Variants in KCNMB4 observed in about 807,000 individuals in gnomAD.
KCNMB4 encodes potassium calcium-activated channel subfamily M regulatory beta subunit 4, also known as calcium-activated potassium channel subunit beta-4.
Under a neutral mutation model 20.7 loss-of-function variants are expected in KCNMB4, and 3 were observed. That is an observed-to-expected ratio of 0.14 (90% CI 0.07 to 0.37). The LOEUF is 0.37. KCNMB4 is among the 10% of genes least tolerant of loss of function. The pLI is 1.00. For synonymous variants in KCNMB4, 110 were observed against 113.4 expected (o/e 0.97, Z 0.19); for missense variants, 168 against 265.9 (o/e 0.63, Z 2.56).
Position 70,426,093 on chromosome 12 carries a change from G to A in KCNMB4, c.465-4392G>A, listed in dbSNP as rs1869205347. 2.0e-5 allele frequency among the ~76,000 whole-genome samples: 3 copies of A among 152,050 alleles called. No individual in the cohort carries two copies. In the South Asian group the frequency reaches 6.2e-4, roughly 32 times the overall value. On this transcript the variant is annotated intron_variant, in intron 2 of 2. Transcript: ENST00000258111. The stretch of plus-strand genomic sequence containing the variant: ...GTGGATCACAAGGTCAGGAGTTCAA[G>A]ACCAGCCTGGCCAAATATGGTGAAA...
At chr12:70,421,955 TC>T (rs1364194677) in intron 2 of KCNMB4, among the ~76,000 whole-genome samples, 2 of 150,966 alleles carry the variant, frequency 1.3e-5, no homozygotes, top group African/African-American at 4.9e-5. Flanking sequence ...AAGGTTCTCA[TC>T]CATCTGGATT....
At chr12:70,386,175 T>C (rs1868254794) in intron 1 of KCNMB4, among the ~76,000 whole-genome samples, 3 of 152,178 alleles carry the variant, frequency 2.0e-5, no homozygotes, top group Admixed American at 1.3e-4. Flanking sequence ...CTCTATTTTC[T>C]AAAAACCTTT....
chr12:70,367,546 A>G (rs1883517565), intron 1 of KCNMB4, among the ~76,000 whole-genome samples: 2 of 152,112 alleles, frequency 1.3e-5, no homozygotes, highest in Non-Finnish European at 2.9e-5. Context: ...AAGTTGTGAG[A>G]GAGTTCCTCA....
In KCNMB4 at chr12:70,366,827, G is replaced by A. The variant is rs1883502969; in HGVS notation, c.93G>A (p.Ser31=). 9 of 1,612,880 alleles carry A rather than the reference G, an allele frequency of 5.6e-6. No individual in the cohort carries two copies. The highest frequency in any genetic ancestry group is 6.8e-6 in the Non-Finnish European group (8 of 1,179,922). Residue 31 remains serine (S), a synonymous_variant, in exon 1 of 3, where the codon TCG becomes TCA. Transcript: ENST00000258111. ...GLFLIISGVV[S]LFIFGFCWLS... The stretch of plus-strand genomic sequence containing the variant: ...TTCTCATCATCTCCGGCGTCGTGTC[G>A]CTCTTCATCTTCGGCTTCTGCTGGC...
intron 1 of KCNMB4, among the ~76,000 whole-genome samples, chr12:70,374,379 C>T (rs1462313683): frequency 6.6e-6 from 1 of 151,988 alleles, no homozygotes; most frequent in East Asian, 1.9e-4. Context: ...AGTTTAGTTC[C>T]TAGATCAGCA....
intron 1 of KCNMB4, among the ~76,000 whole-genome samples, chr12:70,377,287 T>G (rs901612821): frequency 6.6e-6 from 1 of 152,192 alleles, no homozygotes; most frequent in African/African-American, 2.4e-5. Flanking sequence ...TATTGCAGAT[T>G]TGGTTCCAGA....
At chr12:70,367,615 T>C (rs552861811) in intron 1 of KCNMB4, among the ~76,000 whole-genome samples, 202 of 152,194 alleles carry the variant, frequency 1.3e-3, no homozygotes, top group African/African-American at 4.7e-3. Flanking sequence ...TTTTGTGGCT[T>C]GACAAACGAC....
chr12:70,370,205 A>G (rs1883565614), intron 1 of KCNMB4, among the ~76,000 whole-genome samples: 1 of 152,348 alleles, frequency 6.6e-6, no homozygotes, highest in South Asian at 2.1e-4. Flanking sequence ...TCTGCTGTGC[A>G]AGAAAAACAA....
intron 1 of KCNMB4, among the ~76,000 whole-genome samples, chr12:70,379,219 C>T (rs1266035520): frequency 2.6e-5 from 4 of 152,164 alleles, no homozygotes; most frequent in Admixed American, 6.5e-5. Flanking sequence ...GCTACACTAG[C>T]CTCTAACAAG....
chr12:70,390,629 T>G (rs978651589), intron 1 of KCNMB4, among the ~76,000 whole-genome samples: 2 of 152,186 alleles, frequency 1.3e-5, no homozygotes, highest in African/African-American at 2.4e-5. Context: ...CTTGAGCAGG[T>G]TTTCCTGCTC....
chr12:70,429,233 T>A (rs538151229), intron 2 of KCNMB4, among the ~76,000 whole-genome samples: 3 of 152,342 alleles, frequency 2.0e-5, no homozygotes, highest in Non-Finnish European at 4.4e-5. Context: ...GGCTTTGATG[T>A]TCTTAAGGGC....
intron 1 of KCNMB4, among the ~76,000 whole-genome samples, chr12:70,378,247 C>A (rs71454274): frequency 6.6e-6 from 1 of 151,872 alleles, no homozygotes; most frequent in Non-Finnish European, 1.5e-5. Context: ...TGAGCCACCG[C>A]GCCCGGCCTT....
intron 2 of KCNMB4, among the ~76,000 whole-genome samples, chr12:70,411,777 A>T (rs1470101546): frequency 6.6e-6 from 1 of 152,118 alleles, no homozygotes; most frequent in African/African-American, 2.4e-5. Flanking sequence ...GACCCTGTCT[A>T]AAAAAAGAAA....
chr12:70,394,198 A>G (rs1002266335), intron 1 of KCNMB4, among the ~76,000 whole-genome samples: 7 of 152,306 alleles, frequency 4.6e-5, no homozygotes, highest in South Asian at 4.1e-4. Flanking sequence ...TAAATTATCA[A>G]TTCTAAAAAT....
intron 1 of KCNMB4, among the ~76,000 whole-genome samples, chr12:70,391,851 A>C (rs118125336): frequency 1.3e-5 from 2 of 152,174 alleles, no homozygotes; most frequent in African/African-American, 4.8e-5. Context: ...TGGCTCATTT[A>C]TGTGCTAAGG....
intron 2 of KCNMB4, among the ~76,000 whole-genome samples, chr12:70,422,161 CAAAT>C (rs778809454): frequency 2.6e-5 from 4 of 152,182 alleles, no homozygotes; most frequent in Non-Finnish European, 5.9e-5. Flanking sequence ...TAATCTGTCT[CAAAT>C]GAAGAATGTA....
At chr12:70,367,183 A>C in intron 1 of KCNMB4, 113 bp downstream of exon 1, 1 of 772,506 alleles carries the variant, frequency 1.3e-6, no homozygotes, top group Non-Finnish European at 1.9e-6. Flanking sequence ...CTAGGAGGAG[A>C]CCAGGTGGCG....
chr12:70,366,904 T>C lies in KCNMB4; in HGVS notation c.170T>C (p.Leu57Pro). The C allele has an allele frequency of 6.2e-7, 1 of 1,613,504 alleles. No homozygotes were observed. The highest frequency in any genetic ancestry group is 8.5e-7 in the Non-Finnish European group (1 of 1,179,874). Residue 57 changes from leucine (L) to proline (P), a missense_variant, in exon 1 of 3, where the codon CTG (leucine) becomes CCG (proline). Leu to Pro is a moderately conservative substitution (Grantham distance 98, BLOSUM62 -3). Coordinates refer to ENST00000258111, the MANE Select transcript of KCNMB4 (RefSeq NM_014505.6). ...GCCACGGAGGCCAATTGCACGGTGC[T>C]GTCGGTGCAGCAGATCGGCGAGGTG... is the stretch of plus-strand genomic sequence containing the variant. The part of the protein sequence containing the change: ...LQATEANCTV[L>P]SVQQIGEVFE...
intron 1 of KCNMB4, among the ~76,000 whole-genome samples, chr12:70,373,604 T>G (rs1311320629): frequency 6.6e-6 from 1 of 152,258 alleles, no homozygotes; most frequent in Admixed American, 6.5e-5. Context: ...TGTGCCATTT[T>G]AAGCCACTAA....
Sources: allele counts gnomAD v4.1 joint callset (sites outside exome capture counted in the v4.1 genomes callset), GRCh38; gene constraint gnomAD v4.1.1; transcripts MANE v1.5; gene names NCBI Gene and HGNC (gene_info 2026-07-23, HGNC 2026-07-21).